Variants in LRFN5 observed in about 807,000 individuals in gnomAD.
LRFN5 encodes leucine rich repeat and fibronectin type III domain containing 5, also known as leucine-rich repeat and fibronectin type-III domain-containing protein 5.
A neutral mutation model predicts 45.6 loss-of-function variants in LRFN5; 24 were observed. That is an observed-to-expected ratio of 0.53 (90% CI 0.38 to 0.74). The LOEUF (loss-of-function observed/expected upper bound fraction) is 0.74, where lower values mean the gene tolerates loss of function less well. LRFN5 is among the 30% of genes least tolerant of loss of function. The pLI is 0.00. For synonymous variants in LRFN5, 340 were observed against 313.8 expected (o/e 1.08, Z -0.88); for missense variants, 776 against 861.5 (o/e 0.90, Z 1.24).
At chr14:41,873,419 C>CAGAGAG (rs10558865) in intron 2 of LRFN5, among the ~76,000 whole-genome samples, 5,626 of 146,558 alleles carry the variant, frequency 0.038, 145 homozygotes, top group Middle Eastern at 0.11. Context: ...GAGAGAGAGA[C>CAGAGAG]AGAGAGAGAG....
At chr14:41,686,859 G>A (rs1162943482) in intron 1 of LRFN5, among the ~76,000 whole-genome samples, 27 of 152,164 alleles carry the variant, frequency 1.8e-4, no homozygotes, top group Admixed American at 1.8e-3. Flanking sequence ...GATTCAGTTT[G>A]CCAGTATTTT....
intron 2 of LRFN5, among the ~76,000 whole-genome samples, chr14:41,808,999 T>C (rs1214757031): frequency 6.6e-6 from 1 of 152,086 alleles, no homozygotes; most frequent in Non-Finnish European, 1.5e-5. Flanking sequence ...TACCATCAGC[T>C]TTAGCAGAAA....
At chr14:41,733,031 T>C (rs150008011) in intron 1 of LRFN5, among the ~76,000 whole-genome samples, 1 of 151,594 alleles carries the variant, frequency 6.6e-6, no homozygotes, top group Non-Finnish European at 1.5e-5. Flanking sequence ...TTAAAAATTA[T>C]AGTCTTAGGA....
At chr14:41,650,521 CTT>C (rs1345480691) in intron 1 of LRFN5, among the ~76,000 whole-genome samples, 1 of 152,052 alleles carries the variant, frequency 6.6e-6, no homozygotes, top group Non-Finnish European at 1.5e-5. Flanking sequence ...TACATGAACT[CTT>C]TGTTAGAGGA....
In LRFN5 at chr14:41,825,595, C is replaced by T. The variant is rs562322912; in HGVS notation, c.-21+58566C>T. ...TGCAGCTCCCTTGGCTCTCGTTGGC[C>T]CTTTGTGGCCGCTGTAGTCTGAGCA... On this transcript the variant is annotated intron_variant, in intron 2 of 5. Transcript: ENST00000298119. 3.9e-5 allele frequency among the ~76,000 whole-genome samples: 6 copies of T among 152,268 alleles called. No individual in the cohort carries two copies. The South Asian group carries it at 1.0e-3, about 26-fold the overall frequency.
intron 1 of LRFN5, among the ~76,000 whole-genome samples, chr14:41,616,303 A>G (rs1887923518): frequency 6.6e-6 from 1 of 152,088 alleles, no homozygotes; most frequent in Admixed American, 6.6e-5. Flanking sequence ...TTTATTTGGC[A>G]TTTAATGCAT....
At position 41,844,449 on chromosome 14, in the gene LRFN5, A is replaced by AAT. The variant is rs1555325849; in HGVS notation, c.-20-42154_-20-42153dup. ...AAGACTCCGTCTCAAAAAAAAAAAAAATATGTATATTTATATGTATAATTT... is the reference window on the plus strand; with the variant it reads ...AAGACTCCGTCTCAAAAAAAAAAAAAATATATGTATATTTATATGTATAATTT... On this transcript the variant is annotated intron_variant, in intron 2 of 5. Transcript: ENST00000298119. Among the ~76,000 whole-genome samples, 14 of 151,760 alleles carry AAT rather than the reference A, an allele frequency of 9.2e-5. No homozygotes were observed. The East Asian group carries it at 1.7e-3, about 19-fold the overall frequency.
Position 41,904,284 on chromosome 14 carries a change from G to T in LRFN5, c.*109G>T. 7.6e-7 allele frequency: 1 copy of T among 1,321,764 alleles called. No homozygotes were observed. 81.9% of individuals were successfully genotyped at this position (1,321,764 alleles called of 1,614,324 possible). On this transcript the variant is annotated 3_prime_UTR_variant, in exon 6 of 6. Coordinates refer to ENST00000298119, the MANE Select transcript of LRFN5 (RefSeq NM_152447.5). ...AAAGGCTAATTGTTGAACTGGTGTC[G>T]TAGAAGAAATTGTCTACAGGAGCCA...
intron 2 of LRFN5, among the ~76,000 whole-genome samples, chr14:41,836,458 G>T (rs1212948014): frequency 6.6e-6 from 1 of 152,128 alleles, no homozygotes. Flanking sequence ...ATATATGCAT[G>T]TGTACTTATG....
chr14:41,684,407 G>A (rs1482968109), intron 1 of LRFN5, among the ~76,000 whole-genome samples: 1 of 152,186 alleles, frequency 6.6e-6, no homozygotes, highest in Non-Finnish European at 1.5e-5. Flanking sequence ...CAGCAAAGGG[G>A]AAGTAAGGCG....
At chr14:41,679,124 C>A (rs1373476797) in intron 1 of LRFN5, among the ~76,000 whole-genome samples, 3 of 152,164 alleles carry the variant, frequency 2.0e-5, no homozygotes, top group South Asian at 2.1e-4. Context: ...CAAGCCCCAC[C>A]ACTGTGGACT....
rs111642534 is a variant in LRFN5 at position 41,853,006 on chromosome 14, T to C, written c.-20-33600T>C. On this transcript the variant is annotated intron_variant, in intron 2 of 5. Transcript: ENST00000298119. ...AAAACACATTAATGTATCTCTTATC[T>C]ACAGACACTATCTTTAATGCAAACT... Among the ~76,000 whole-genome samples, 1,399 of 152,116 alleles carry C rather than the reference T, an allele frequency of 9.2e-3. 25 individuals are homozygous for C. The highest frequency in any genetic ancestry group is 0.031 in the African/African-American group (1,286 of 41,536).
At chr14:41,823,120 G>T (rs937197589) in intron 2 of LRFN5, among the ~76,000 whole-genome samples, 2 of 151,798 alleles carry the variant, frequency 1.3e-5, no homozygotes, top group Non-Finnish European at 1.5e-5. Flanking sequence ...GTAGGATTTA[G>T]CCCATTTGTG....
At chr14:41,835,332 CAT>C (rs1368345251) in intron 2 of LRFN5, among the ~76,000 whole-genome samples, 1 of 152,122 alleles carries the variant, frequency 6.6e-6, no homozygotes, top group Non-Finnish European at 1.5e-5. Flanking sequence ...AGGCTAAAAA[CAT>C]GGAATGCTCT....
At chr14:41,790,364 C>T (rs1359362434) in intron 2 of LRFN5, among the ~76,000 whole-genome samples, 1 of 151,194 alleles carries the variant, frequency 6.6e-6, no homozygotes, top group Admixed American at 6.6e-5. Flanking sequence ...ACTATTTGTT[C>T]ATTTTGTCCT....
intron 2 of LRFN5, among the ~76,000 whole-genome samples, chr14:41,784,248 T>C (rs542421829): frequency 6.6e-6 from 1 of 152,268 alleles, no homozygotes; most frequent in African/African-American, 2.4e-5. Context: ...TATATTACTC[T>C]ATTTTGTTAC....
chr14:41,755,376 C>T (rs1189381428), intron 1 of LRFN5, among the ~76,000 whole-genome samples: 1 of 152,112 alleles, frequency 6.6e-6, no homozygotes, highest in Non-Finnish European at 1.5e-5. Context: ...GTTAAAGTCT[C>T]CCATTATTAT....
Position 41,879,639 on chromosome 14 carries a change from T to C in LRFN5, c.-20-6967T>C, listed in dbSNP as rs553517988. On this transcript the variant is annotated intron_variant, in intron 2 of 5. Coordinates refer to ENST00000298119, the MANE Select transcript of LRFN5 (RefSeq NM_152447.5). ...TATGTGGACATATAGATCTCCACCTTGATCTGGAATTACTTTTATGAGAGG... is the reference window on the plus strand; with the variant it reads ...TATGTGGACATATAGATCTCCACCTCGATCTGGAATTACTTTTATGAGAGG... Among the ~76,000 whole-genome samples, 5 of 151,560 alleles carry C rather than the reference T, an allele frequency of 3.3e-5. No homozygotes were observed. The East Asian group carries it at 9.7e-4, about 29-fold the overall frequency.
intron 2 of LRFN5, among the ~76,000 whole-genome samples, chr14:41,860,668 A>G (rs1194831120): frequency 6.6e-6 from 1 of 152,206 alleles, no homozygotes; most frequent in Non-Finnish European, 1.5e-5. Context: ...TCAAGTTTGG[A>G]TAAGTAAGCA....
Sources: gnomAD v4.1 joint callset for allele counts (sites outside exome capture counted in the v4.1 genomes callset) on GRCh38, gnomAD v4.1.1 for gene constraint, MANE v1.5 for transcripts, NCBI Gene and HGNC (gene_info 2026-07-23, HGNC 2026-07-21) for gene names.